Variants in SEH1L observed in about 807,000 individuals in gnomAD.
The protein encoded by SEH1L is nucleoporin SEH1.
Under a neutral mutation model 49.5 loss-of-function variants are expected in SEH1L, and 18 were observed. That is an observed-to-expected ratio of 0.36 (90% CI 0.25 to 0.54). The LOEUF is 0.54. Ranked by LOEUF, SEH1L falls within the 20% of genes least tolerant of loss-of-function variation. The pLI is 0.87. For missense variants in SEH1L, 404 were observed against 528.8 expected, an observed-to-expected ratio of 0.76 and a Z score of 2.31; for synonymous variants, 169 against 178.1, an observed-to-expected ratio of 0.95 and a Z score of 0.41.
rs763545616 is a variant in SEH1L at position 12,955,569 on chromosome 18, T to G, written c.269T>G (p.Val90Gly). The change falls in exon 3 of 9, where the codon GTA becomes GGA. Residue 90 changes from valine to glycine, a missense_variant. Coordinates refer to ENST00000399892, the MANE Select transcript of SEH1L (RefSeq NM_001013437.2). ...DRTAAVWEEIVGESNDKLRGQ... is the reference protein window; with the variant it reads ...DRTAAVWEEIGGESNDKLRGQ... ...ACAGCTGCTGTATGGGAAGAAATAG[T>G]AGGAGAATCAAATGATAAACTGCGA... The G allele has an allele frequency of 2.5e-6, 4 of 1,613,880 alleles. No homozygotes were observed. In the African/African-American group the frequency reaches 5.3e-5, roughly 22 times the overall value.
intron 3 of SEH1L, among the ~76,000 whole-genome samples, chr18:12,959,367 T>C (rs965680551): frequency 9.2e-5 from 14 of 152,214 alleles, no homozygotes; most frequent in African/African-American, 3.4e-4. Flanking sequence ...CGCCTACTTA[T>C]TTATTTACTT....
Position 12,962,459 on chromosome 18 carries a change from C to CTTTTTTTTTTTTTTTTTTT in SEH1L, c.310-693_310-675dup, listed in dbSNP as rs3070220. ...TTGAGAGAAGAAATTGCATGCCTTT[C>CTTTTTTTTTTTTTTTTTTT]TTTTTTTTTTTTTTTTTTTTTTTTT... On this transcript the variant is annotated intron_variant, in intron 3 of 8. Coordinates refer to ENST00000399892, the MANE Select transcript of SEH1L (RefSeq NM_001013437.2). Among the ~76,000 whole-genome samples the CTTTTTTTTTTTTTTTTTTT allele has an allele frequency of 5.3e-4, 34 of 63,654 alleles. 9 individuals carry two copies. Among genetic ancestry groups the CTTTTTTTTTTTTTTTTTTT allele is most frequent in the East Asian group, 2.3e-3 (4 of 1,736 alleles). The allele number at this position is 63,654 out of a possible 152,430, so 41.8% of individuals were successfully genotyped here.
intron 3 of SEH1L, among the ~76,000 whole-genome samples, chr18:12,962,459 C>CTCTT (rs2031225532): frequency 3.1e-5 from 2 of 63,654 alleles, no homozygotes; most frequent in African/African-American, 1.3e-4. Context: ...GCATGCCTTT[C>CTCTT]TTTTTTTTTT....
chr18:12,953,686 A>C (rs2030686106), intron 2 of SEH1L, among the ~76,000 whole-genome samples: 1 of 152,194 alleles, frequency 6.6e-6, no homozygotes, highest in African/African-American at 2.4e-5. Flanking sequence ...AGGTTAACTT[A>C]TAAAATTAAT....
chr18:12,965,031 T>TTTG (rs1229192760), intron 4 of SEH1L, among the ~76,000 whole-genome samples: 2 of 145,538 alleles, frequency 1.4e-5, no homozygotes, highest in Admixed American at 6.9e-5. Flanking sequence ...TTTTTTTTTT[T>TTTG]GAGGTGGAGT....
intron 4 of SEH1L, among the ~76,000 whole-genome samples, chr18:12,967,764 A>G (rs2031515609): frequency 6.6e-6 from 1 of 152,070 alleles, no homozygotes; most frequent in South Asian, 2.1e-4. Context: ...AAATACAAAA[A>G]TTAGATGGGC....
At chr18:12,955,942 C>G (rs147560381) in intron 3 of SEH1L, among the ~76,000 whole-genome samples, 2 of 151,702 alleles carry the variant, frequency 1.3e-5, no homozygotes, top group South Asian at 2.1e-4. Context: ...AACTCCTGGC[C>G]CCACCTCAGC....
chr18:12,952,431 C>T (rs2030598777), intron 2 of SEH1L, among the ~76,000 whole-genome samples: 1 of 152,038 alleles, frequency 6.6e-6, no homozygotes, highest in Non-Finnish European at 1.5e-5. Flanking sequence ...TGGGGTTTCG[C>T]CATGTTGGCC....
chr18:12,976,669 A>C (rs2031934358), intron 5 of SEH1L: 1 of 152,088 alleles, frequency 6.6e-6, no homozygotes, highest in Admixed American at 6.6e-5. Context: ...TGGGTGTAGA[A>C]ACCATGCATA....
chr18:12,965,542 T>C (rs1032614667), intron 4 of SEH1L, among the ~76,000 whole-genome samples: 4 of 152,246 alleles, frequency 2.6e-5, no homozygotes, highest in Non-Finnish European at 5.9e-5. Flanking sequence ...TTAATTTGAC[T>C]CCATGCTTAA....
At chr18:12,978,121 G>T (rs2032001807) in intron 5 of SEH1L, 1 of 152,302 alleles carries the variant, frequency 6.6e-6, no homozygotes, top group Non-Finnish European at 1.5e-5. Context: ...AGCCACTGTG[G>T]CCAGCCAAGA....
At chr18:12,960,075 C>T (rs2031100432) in intron 3 of SEH1L, among the ~76,000 whole-genome samples, 1 of 152,156 alleles carries the variant, frequency 6.6e-6, no homozygotes, top group South Asian at 2.1e-4. Flanking sequence ...TCTTTGGTCT[C>T]AGGTAACGCC....
intron 7 of SEH1L, 117 bp downstream of exon 7, chr18:12,982,792 C>A: frequency 2.8e-6 from 2 of 726,598 alleles, no homozygotes; most frequent in Non-Finnish European, 2.2e-6. Flanking sequence ...CTTTTAATGT[C>A]ATATTAATTT....
At chr18:12,986,508 T>A in intron 8 of SEH1L, 1 of 984,154 alleles carries the variant, frequency 1.0e-6, no homozygotes, top group Non-Finnish European at 1.2e-6. Flanking sequence ...TCTGTAAATG[T>A]ACAGAATAGC....
Position 12,987,132 on chromosome 18 carries a change from C to A in SEH1L, c.*75C>A. Reference sequence around the variant, plus strand: ...TCATTTCTGGCTGCTTTTTGTTTTTCATTTTCTTTCAGAAGATTTTTCTAA... The same window carrying A: ...TCATTTCTGGCTGCTTTTTGTTTTTAATTTTCTTTCAGAAGATTTTTCTAA... On this transcript the variant is annotated 3_prime_UTR_variant, in exon 9 of 9. Transcript: ENST00000399892. 9.0e-7 allele frequency: 1 copy of A among 1,109,588 alleles called. No homozygotes were observed. Among genetic ancestry groups the A allele is most frequent in the Non-Finnish European group, 1.3e-6 (1 of 783,150 alleles). The allele number at this position is 1,109,588 out of a possible 1,614,324, so 68.7% of individuals were successfully genotyped here.
intron 5 of SEH1L, chr18:12,975,626 C>G (rs1323700438): frequency 1.2e-6 from 1 of 854,366 alleles, no homozygotes; most frequent in South Asian, 5.4e-5. Flanking sequence ...GGCCAACAGG[C>G]CAGGCAGATT....
At chr18:12,979,006 G>T in intron 6 of SEH1L, 114 bp downstream of exon 6, 4 of 976,370 alleles carry the variant, frequency 4.1e-6, no homozygotes, top group South Asian at 3.6e-5. Flanking sequence ...TGCTCTGGAA[G>T]TTTTACTTAA....
At chr18:12,955,681 C>T (rs1167053609) in intron 3 of SEH1L, 72 bp downstream of exon 3, 1 of 1,490,752 alleles carries the variant, frequency 6.7e-7, no homozygotes, top group Non-Finnish European at 9.3e-7. Context: ...CGAAGGCTAC[C>T]TCAGATAATT....
chr18:12,984,314 A>G lies in SEH1L; in HGVS notation c.1070+124A>G, dbSNP rs1458086622. ...GGAAATGTTCACATGTGCTTGTATTAGCATTTAAGAATTCATTTTGTTAGC... is the reference window on the plus strand; with the variant it reads ...GGAAATGTTCACATGTGCTTGTATTGGCATTTAAGAATTCATTTTGTTAGC... On this transcript the variant is annotated intron_variant, in intron 8 of 8. Transcript: ENST00000399892. 3 of 1,024,228 alleles carry G rather than the reference A, an allele frequency of 2.9e-6. No individual in the cohort carries two copies. The East Asian group carries it at 7.2e-5, about 24-fold the overall frequency. The allele number at this position is 1,024,228 out of a possible 1,614,324, so 63.4% of individuals were successfully genotyped here.
Sources: gnomAD v4.1 joint callset for allele counts (sites outside exome capture counted in the v4.1 genomes callset) on GRCh38, gnomAD v4.1.1 for gene constraint, MANE v1.5 for transcripts, NCBI Gene and HGNC (gene_info 2026-07-23, HGNC 2026-07-21) for gene names.